Variants in IMMP2L observed in about 807,000 individuals in gnomAD.
The protein encoded by IMMP2L is mitochondrial inner membrane protease subunit 2.
IMMP2L carries 18 observed loss-of-function variants against 19.3 expected under a neutral mutation model. The observed-to-expected ratio is 0.93, with a 90% CI of 0.64 to 1.38. The LOEUF (loss-of-function observed/expected upper bound fraction) is 1.38. IMMP2L is among the 40% of genes most tolerant of loss of function. IMMP2L has a pLI of 0.00. For missense variants in IMMP2L, 233 were observed against 218.2 expected (o/e 1.07, Z -0.43); for synonymous variants, 76 against 73.0 (o/e 1.04, Z -0.21).
intron 5 of IMMP2L, among the ~76,000 whole-genome samples, chr7:110,854,712 T>A (rs1489285959): frequency 6.6e-6 from 1 of 151,318 alleles, no homozygotes; most frequent in Non-Finnish European, 1.5e-5. Context: ...TACAAAGAGG[T>A]TTTCATTCAA....
At chr7:111,117,179 T>C (rs1294176355) in intron 3 of IMMP2L, among the ~76,000 whole-genome samples, 1 of 152,130 alleles carries the variant, frequency 6.6e-6, no homozygotes, top group South Asian at 2.1e-4. Context: ...TATAAACTTG[T>C]AATCAATTAA....
At chr7:111,061,674 T>C (rs1010767493) in intron 3 of IMMP2L, among the ~76,000 whole-genome samples, 1 of 152,170 alleles carries the variant, frequency 6.6e-6, no homozygotes, top group African/African-American at 2.4e-5. Flanking sequence ...TTTAGCAAAC[T>C]TCTAAGAGGT....
intron 3 of IMMP2L, among the ~76,000 whole-genome samples, chr7:110,968,312 A>G (rs1441182426): frequency 6.6e-6 from 1 of 152,046 alleles, no homozygotes; most frequent in Non-Finnish European, 1.5e-5. Flanking sequence ...GAGACGTCAT[A>G]TAAATTTATT....
At chr7:111,239,061 C>T (rs961214639) in intron 3 of IMMP2L, among the ~76,000 whole-genome samples, 1 of 151,888 alleles carries the variant, frequency 6.6e-6, no homozygotes, top group African/African-American at 2.4e-5. Context: ...AATATCTCTG[C>T]CCCACTCTGA....
chr7:110,671,105 T>C (rs1161168475), intron 5 of IMMP2L, among the ~76,000 whole-genome samples: 1 of 152,236 alleles, frequency 6.6e-6, no homozygotes, highest in Non-Finnish European at 1.5e-5. Flanking sequence ...ATCTATTGAA[T>C]GTGAAGATAA....
chr7:110,963,098 T>G lies in IMMP2L; in HGVS notation c.305+402A>C, dbSNP rs1165477808. The G allele has an allele frequency of 4.0e-6, 6 of 1,517,740 alleles. No individual in the cohort carries two copies. In the East Asian group the frequency reaches 7.4e-5, roughly 19 times the overall value. 94.0% of individuals were successfully genotyped at this position (1,517,740 alleles called of 1,614,324 possible). On this transcript the variant is annotated intron_variant, in intron 4 of 5. Coordinates refer to ENST00000405709, the MANE Select transcript of IMMP2L (RefSeq NM_032549.4). ...TTCAGTTTTCTCCCATCTCTATGAGTACAAAAGAGTCCTCTTAGTTTCTGC... is the reference window on the plus strand; with the variant it reads ...TTCAGTTTTCTCCCATCTCTATGAGGACAAAAGAGTCCTCTTAGTTTCTGC...
chr7:111,224,473 GA>G (rs1249986452), intron 3 of IMMP2L, among the ~76,000 whole-genome samples: 2 of 152,058 alleles, frequency 1.3e-5, no homozygotes, highest in Admixed American at 1.3e-4. Flanking sequence ...GGAAGTTGAA[GA>G]AAGGTGTTTT....
chr7:111,123,406 A>T lies in IMMP2L; in HGVS notation c.240-159841T>A. On this transcript the variant is annotated intron_variant, in intron 3 of 5. Coordinates refer to ENST00000405709, the MANE Select transcript of IMMP2L (RefSeq NM_032549.4). This position sits in a 1 kb window ranked among gnomAD's most constrained non-coding sequence, Gnocchi z 6.4. ...CAAAGACATGAACTTTAAGCCTCTT[A>T]TCAATCTTCGCAGCCTGGTTATAGC... 1.2e-6 allele frequency: 2 copies of T among 1,613,762 alleles called. No individual in the cohort carries two copies. The highest frequency in any genetic ancestry group is 1.7e-6 in the Non-Finnish European group (2 of 1,179,910).
chr7:110,981,645 A>G (rs1015955532), intron 3 of IMMP2L, among the ~76,000 whole-genome samples: 5 of 152,188 alleles, frequency 3.3e-5, no homozygotes, highest in Admixed American at 3.3e-4. Flanking sequence ...AAATATCTCA[A>G]AAATGTATTC....
intron 3 of IMMP2L, among the ~76,000 whole-genome samples, chr7:111,052,068 A>T (rs1793057727): frequency 6.6e-6 from 1 of 152,198 alleles, no homozygotes; most frequent in African/African-American, 2.4e-5. Context: ...TTGTAGCAAT[A>T]CCCACCTCCA....
rs1834657748 is a variant in IMMP2L, at chr7:111,413,629, A to G, written c.239+73609T>C. Among the ~76,000 whole-genome samples, 3 of 151,912 alleles carry G rather than the reference A, an allele frequency of 2.0e-5. No individual in the cohort carries two copies. In the South Asian group the frequency reaches 6.3e-4, roughly 32 times the overall value. On this transcript the variant is annotated intron_variant, in intron 3 of 5. Transcript: ENST00000405709. Reference sequence around the variant, plus strand: ...TATGACAATATCAATAGTTACAGAAAAGCATGTGGCAATAATCCCTCAGTC... The same window carrying G: ...TATGACAATATCAATAGTTACAGAAGAGCATGTGGCAATAATCCCTCAGTC...
chr7:111,226,581 C>T (rs1315526337), intron 3 of IMMP2L, among the ~76,000 whole-genome samples: 2 of 152,040 alleles, frequency 1.3e-5, no homozygotes, highest in East Asian at 1.9e-4. Flanking sequence ...TTGATCATTG[C>T]GCTCTTTGAT....
At chr7:111,424,000 C>A (rs907317455) in intron 3 of IMMP2L, among the ~76,000 whole-genome samples, 12 of 151,934 alleles carry the variant, frequency 7.9e-5, no homozygotes, top group Middle Eastern at 3.4e-3. Context: ...GTTGTTTCAG[C>A]TGTAGAGATA....
At chr7:110,960,474 T>G (rs1248757220) in intron 4 of IMMP2L, among the ~76,000 whole-genome samples, 1 of 151,994 alleles carries the variant, frequency 6.6e-6, no homozygotes, top group Non-Finnish European at 1.5e-5. Flanking sequence ...CTTCTGTGAC[T>G]GGCTTTCTTC....
At chr7:111,160,319 T>A (rs1299717645) in intron 3 of IMMP2L, among the ~76,000 whole-genome samples, 1 of 152,060 alleles carries the variant, frequency 6.6e-6, no homozygotes, top group African/African-American at 2.4e-5. Context: ...GGAAAAAGGA[T>A]AAATCCCACT....
At position 111,376,156 on chromosome 7, in the gene IMMP2L, C is replaced by G. The variant is rs989822661; in HGVS notation, c.239+111082G>C. On this transcript the variant is annotated intron_variant, in intron 3 of 5. Coordinates refer to ENST00000405709, the MANE Select transcript of IMMP2L (RefSeq NM_032549.4). ...GTAACACTGTGTTACATAACGCACA[C>G]TCAAAATTATAAACAATGAAGAGTA... Among the ~76,000 whole-genome samples, 8 of 152,094 alleles carry G rather than the reference C, an allele frequency of 5.3e-5. No individual in the cohort carries two copies. The South Asian group carries it at 6.2e-4, about 12-fold the overall frequency.
chr7:111,225,840 T>G (rs1417514774), intron 3 of IMMP2L, among the ~76,000 whole-genome samples: 2 of 152,128 alleles, frequency 1.3e-5, no homozygotes, highest in Non-Finnish European at 2.9e-5. Flanking sequence ...TGATTTTGCT[T>G]CCAAAAGATA....
At chr7:111,400,183 T>C (rs1486457091) in intron 3 of IMMP2L, among the ~76,000 whole-genome samples, 1 of 152,164 alleles carries the variant, frequency 6.6e-6, no homozygotes, top group Admixed American at 6.5e-5. Context: ...ATGTCTCAGA[T>C]ATTTTATCAC....
At chr7:110,845,415 T>C (rs1805564882) in intron 5 of IMMP2L, among the ~76,000 whole-genome samples, 1 of 152,068 alleles carries the variant, frequency 6.6e-6, no homozygotes, top group Admixed American at 6.6e-5. Flanking sequence ...CCCAGCTGAG[T>C]CCTCTCTGCA....
Sources: gnomAD v4.1 joint callset for allele counts (sites outside exome capture counted in the v4.1 genomes callset) on GRCh38, gnomAD v4.1.1 for gene constraint, Gnocchi (gnomAD v3.1) non-coding constraint, MANE v1.5 for transcripts, NCBI Gene and HGNC (gene_info 2026-07-23, HGNC 2026-07-21) for gene names.